TMTC1: variants seen among roughly 807,000 people sequenced by gnomAD.
TMTC1 encodes protein O-mannosyl-transferase TMTC1.
TMTC1 carries 73 observed loss-of-function variants against 104.8 expected under a neutral mutation model. The ratio of observed to expected loss-of-function variants is 0.70; its 90% confidence interval spans 0.58 to 0.85. The LOEUF (loss-of-function observed/expected upper bound fraction) is 0.85, where lower values mean the gene tolerates loss of function less well. Among genes scored for constraint, TMTC1 ranks in the 40% least tolerant of loss-of-function variants. TMTC1 has a pLI of 0.00. For missense variants in TMTC1, 1,035 were observed against 1,096.1 expected (o/e 0.94, Z 0.79); for synonymous variants, 434 against 428.7 (o/e 1.01, Z -0.15).
At chr12:29,757,171 A>G (rs1281374125) in intron 3 of TMTC1, among the ~76,000 whole-genome samples, 1 of 152,254 alleles carries the variant, frequency 6.6e-6, no homozygotes, top group African/African-American at 2.4e-5. Flanking sequence ...CACTATGCTA[A>G]GAAAATGTTC....
chr12:29,713,028 T>A (rs433275), intron 5 of TMTC1, among the ~76,000 whole-genome samples: 109,546 of 151,578 alleles, frequency 0.72, 40,609 homozygotes, highest in South Asian at 0.83. Flanking sequence ...AGTGAAATGG[T>A]TCTGTTTTCA....
At chr12:29,637,067 AAAC>A (rs1375168715) in intron 5 of TMTC1, among the ~76,000 whole-genome samples, 1 of 140,448 alleles carries the variant, frequency 7.1e-6, no homozygotes, top group Non-Finnish European at 1.5e-5. Flanking sequence ...TTTCAAAATG[AAAC>A]GAAACAAAAT....
intron 15 of TMTC1, among the ~76,000 whole-genome samples, 161 bp from the exon 16 acceptor site, chr12:29,514,765 T>C (rs940727597): frequency 1.3e-5 from 2 of 152,176 alleles, no homozygotes; most frequent in African/African-American, 4.8e-5. Context: ...ATGGCTGTAA[T>C]CCTAGTACTT....
intron 1 of TMTC1, among the ~76,000 whole-genome samples, chr12:29,777,839 T>A (rs188936268): frequency 6.6e-6 from 1 of 152,326 alleles, no homozygotes; most frequent in Admixed American, 6.5e-5. Flanking sequence ...ATGATAGACT[T>A]AGAAAACAAA....
intron 5 of TMTC1, among the ~76,000 whole-genome samples, chr12:29,645,386 A>C (rs899417262): frequency 2.0e-5 from 3 of 152,062 alleles, no homozygotes; most frequent in Non-Finnish European, 4.4e-5. Context: ...ATTTTTTCTT[A>C]TTTTGCATTA....
At chr12:29,644,499 C>T (rs1939181322) in intron 5 of TMTC1, among the ~76,000 whole-genome samples, 1 of 151,920 alleles carries the variant, frequency 6.6e-6, no homozygotes, top group Non-Finnish European at 1.5e-5. Flanking sequence ...CCTGTACCAC[C>T]AATAACCTAT....
chr12:29,776,268 A>T (rs1943704774), intron 1 of TMTC1, among the ~76,000 whole-genome samples: 1 of 152,168 alleles, frequency 6.6e-6, no homozygotes, highest in Admixed American at 6.5e-5. Flanking sequence ...AGCGCTACAG[A>T]TCTTCATTCT....
chr12:29,691,194 G>A (rs1041138695), intron 5 of TMTC1, among the ~76,000 whole-genome samples: 1 of 152,118 alleles, frequency 6.6e-6, no homozygotes. Flanking sequence ...CATCACTATT[G>A]TAAAACCTAA....
At chr12:29,572,922 C>T (rs1945720091) in intron 8 of TMTC1, among the ~76,000 whole-genome samples, 2 of 152,192 alleles carry the variant, frequency 1.3e-5, no homozygotes, top group African/African-American at 2.4e-5. Flanking sequence ...TAGCTCATAA[C>T]CACAACCTGC....
chr12:29,633,002 T>C, intron 6 of TMTC1, 145 bp downstream of exon 6: 1 of 581,944 alleles, frequency 1.7e-6, no homozygotes, highest in East Asian at 2.9e-5. Context: ...GTGGCCATGG[T>C]ATGTTATTAC....
At chr12:29,764,123 C>G (rs1943411994) in intron 2 of TMTC1, among the ~76,000 whole-genome samples, 1 of 152,198 alleles carries the variant, frequency 6.6e-6, no homozygotes, top group African/African-American at 2.4e-5. Context: ...TGGCTATAAC[C>G]TGGGAACTGC....
intron 10 of TMTC1, among the ~76,000 whole-genome samples, chr12:29,554,457 A>G (rs750892644): frequency 6.6e-6 from 1 of 152,192 alleles, no homozygotes; most frequent in Non-Finnish European, 1.5e-5. Flanking sequence ...GCAAGACGTT[A>G]GCGAGTCTTT....
intron 8 of TMTC1, among the ~76,000 whole-genome samples, chr12:29,582,297 C>A (rs1279637795): frequency 6.6e-6 from 1 of 152,188 alleles, no homozygotes; most frequent in Non-Finnish European, 1.5e-5. Flanking sequence ...GGATTTCCTG[C>A]TGGGAACTTC....
intron 7 of TMTC1, among the ~76,000 whole-genome samples, chr12:29,584,686 G>A (rs867984719): frequency 5.3e-5 from 8 of 151,754 alleles, no homozygotes; most frequent in African/African-American, 9.7e-5. Context: ...GAGAACATGC[G>A]GTGTTTGGTT....
At chr12:29,720,751 A>T (rs1180925408) in intron 5 of TMTC1, among the ~76,000 whole-genome samples, 1 of 152,158 alleles carries the variant, frequency 6.6e-6, no homozygotes, top group African/African-American at 2.4e-5. Context: ...ATTAAAACAG[A>T]CAATGGCCAC....
chr12:29,702,617 G>C (rs1006785482), intron 5 of TMTC1, among the ~76,000 whole-genome samples: 16 of 152,150 alleles, frequency 1.1e-4, no homozygotes, highest in African/African-American at 3.9e-4. Context: ...TTCCACAAAA[G>C]TGCATCACTA....
chr12:29,539,692 A>C (rs923715944), intron 10 of TMTC1, among the ~76,000 whole-genome samples: 5 of 152,248 alleles, frequency 3.3e-5, no homozygotes, highest in African/African-American at 9.6e-5. Flanking sequence ...GTGCTTTAAA[A>C]AAGACTTTAG....
At chr12:29,593,193 T>C (rs534206769) in intron 7 of TMTC1, among the ~76,000 whole-genome samples, 2 of 152,310 alleles carry the variant, frequency 1.3e-5, no homozygotes, top group African/African-American at 4.8e-5. Flanking sequence ...CATGGAGCCT[T>C]TGTGATTCAT....
intron 5 of TMTC1, among the ~76,000 whole-genome samples, chr12:29,650,448 C>T (rs183952281): frequency 5.9e-5 from 9 of 152,148 alleles, no homozygotes; most frequent in East Asian, 1.9e-4. Context: ...GTGAGACACC[C>T]GGGCCTCAGG....
Sources: allele counts gnomAD v4.1 joint callset (sites outside exome capture counted in the v4.1 genomes callset), GRCh38; gene constraint gnomAD v4.1.1; transcripts MANE v1.5; gene names NCBI Gene and HGNC (gene_info 2026-07-23, HGNC 2026-07-21).